STK3: variants seen among roughly 807,000 people sequenced by gnomAD.
STK3 encodes the protein serine/threonine kinase 3, also known as serine/threonine-protein kinase 3.
A neutral mutation model predicts 58.0 loss-of-function variants in STK3; 41 were observed. The ratio of observed to expected loss-of-function variants is 0.71; its 90% CI spans 0.55 to 0.92. The LOEUF (loss-of-function observed/expected upper bound fraction) is 0.92. Ranked by LOEUF, STK3 falls within the 40% of genes least tolerant of loss-of-function variation. STK3 has a pLI of 0.00. For synonymous variants in STK3, 170 were observed against 191.0 expected (o/e 0.89, Z 0.91); for missense variants, 479 against 602.7 (o/e 0.79, Z 2.15).
intron 10 of STK3, among the ~76,000 whole-genome samples, chr8:98,515,128 G>C (rs1824829394): frequency 6.6e-6 from 1 of 151,972 alleles, no homozygotes; most frequent in Non-Finnish European, 1.5e-5. Context: ...AATTTCAACA[G>C]TCTTTAATCC....
At chr8:98,611,682 T>A (rs989664591) in intron 6 of STK3, among the ~76,000 whole-genome samples, 97 of 152,200 alleles carry the variant, frequency 6.4e-4, no homozygotes, top group African/African-American at 2.2e-3. Flanking sequence ...ATGCCAGTGG[T>A]TCTTAACACT....
rs367999195 is a variant in STK3, at chr8:98,678,692, A to G, written c.684+27775T>C. On this transcript the variant is annotated intron_variant, in intron 6 of 10. Coordinates refer to ENST00000419617, the MANE Select transcript of STK3 (RefSeq NM_006281.4). Reference sequence around the variant, plus strand: ...AAAACAATGTAATCTCATGATTCCAATTTTGGTTAAAAACCAGTATGTACT... The same window carrying G: ...AAAACAATGTAATCTCATGATTCCAGTTTTGGTTAAAAACCAGTATGTACT... Among the ~76,000 whole-genome samples the G allele has an allele frequency of 2.6e-5, 4 of 152,196 alleles. No homozygotes were observed. In the South Asian group the frequency reaches 6.2e-4, roughly 24 times the overall value.
chr8:98,540,166 C>T (rs571841880), intron 9 of STK3, among the ~76,000 whole-genome samples: 9 of 152,314 alleles, frequency 5.9e-5, no homozygotes, highest in Admixed American at 5.2e-4. Context: ...CAGGTAAGTT[C>T]TAAACACAAT....
intron 1 of STK3, among the ~76,000 whole-genome samples, chr8:98,913,169 T>TG (rs1320115286): frequency 3.3e-5 from 5 of 152,134 alleles, no homozygotes; most frequent in Non-Finnish European, 7.4e-5. Context: ...ACCTGTTGTA[T>TG]TTTGAAAAAC....
intron 1 of STK3, among the ~76,000 whole-genome samples, chr8:98,792,355 T>G (rs1295336930): frequency 6.6e-6 from 1 of 152,200 alleles, no homozygotes; most frequent in African/African-American, 2.4e-5. Context: ...CTAGTGGGAA[T>G]GTAACTAGTA....
At chr8:98,921,503 G>A (rs575214498) in intron 1 of STK3, 2 of 152,560 alleles carry the variant, frequency 1.3e-5, no homozygotes, top group Non-Finnish European at 2.9e-5. Flanking sequence ...AATTAATCCT[G>A]GTGGTCAATA....
At chr8:98,380,214 C>T (rs926500650) in intron 1 of STK3, among the ~76,000 whole-genome samples, 2 of 152,160 alleles carry the variant, frequency 1.3e-5, no homozygotes, top group African/African-American at 4.8e-5. Context: ...GGTGAATACG[C>T]TCTACGTTCC....
chr8:98,749,427 T>C, intron 3 of STK3, 37 bp from the exon 4 acceptor site: 1 of 1,267,448 alleles, frequency 7.9e-7, no homozygotes, highest in South Asian at 1.6e-5. Flanking sequence ...ATTTAGTTAA[T>C]TCCCAAAGAA....
chr8:98,851,828 T>A (rs1291998212), intron 3 of STK3, among the ~76,000 whole-genome samples: 1 of 152,102 alleles, frequency 6.6e-6, no homozygotes, highest in Non-Finnish European at 1.5e-5. Context: ...ACAAAAACAT[T>A]TTTTTAAACA....
chr8:98,350,000 T>A, the STK3 span, among the ~76,000 whole-genome samples: 3 of 152,172 alleles, frequency 2.0e-5, no homozygotes, highest in African/African-American at 2.4e-5. Flanking sequence ...TTATGCAAAT[T>A]TCTGCAGCCA....
At chr8:98,879,771 C>A (rs1340022746), downstream of STK3, 2 of 152,064 alleles carry the variant, frequency 1.3e-5, no homozygotes, top group Non-Finnish European at 2.9e-5. Flanking sequence ...TGAGAAATAT[C>A]TTCAGGGAAG....
At chr8:98,677,950 T>C (rs747321728) in intron 6 of STK3, among the ~76,000 whole-genome samples, 1 of 152,232 alleles carries the variant, frequency 6.6e-6, no homozygotes, top group Non-Finnish European at 1.5e-5. Context: ...GCTTCCCTAC[T>C]GCACATGTAT....
chr8:98,677,568 GAGA>G (rs1158057479), intron 6 of STK3, among the ~76,000 whole-genome samples: 2 of 152,042 alleles, frequency 1.3e-5, no homozygotes, highest in Non-Finnish European at 2.9e-5. Flanking sequence ...AAGAAGGAAG[GAGA>G]AGGAGACGGA....
intron 6 of STK3, among the ~76,000 whole-genome samples, chr8:98,624,375 G>A (rs79233212): frequency 0.014 from 2,057 of 152,236 alleles, 20 homozygotes; most frequent in Non-Finnish European, 0.022. Context: ...TACATAGAGT[G>A]TGCCAATAAT....
At chr8:98,423,982 G>A (rs1818202434) in intron 3 of STK3, among the ~76,000 whole-genome samples, 1 of 152,190 alleles carries the variant, frequency 6.6e-6, no homozygotes, top group South Asian at 2.1e-4. Flanking sequence ...CAGCCCAGAG[G>A]CAGGCCTCAA....
intron 6 of STK3, among the ~76,000 whole-genome samples, chr8:98,695,686 G>A (rs1587326239): frequency 6.6e-6 from 1 of 152,060 alleles, no homozygotes; most frequent in South Asian, 2.1e-4. Flanking sequence ...TGAGGGCTCT[G>A]CTCTGTTCCA....
At chr8:98,474,994 A>G (rs1008814023) in intron 10 of STK3, among the ~76,000 whole-genome samples, 1 of 152,188 alleles carries the variant, frequency 6.6e-6, no homozygotes, top group African/African-American at 2.4e-5. Flanking sequence ...AACAACCACT[A>G]GTGAAGATTG....
intron 10 of STK3, among the ~76,000 whole-genome samples, chr8:98,498,144 T>C (rs1199431750): frequency 6.6e-6 from 1 of 152,160 alleles, no homozygotes; most frequent in Non-Finnish European, 1.5e-5. Context: ...TACCTTTTTT[T>C]TTTTAAAAGC....
the STK3 span, among the ~76,000 whole-genome samples, chr8:98,347,770 G>T: frequency 1.2e-3 from 178 of 152,146 alleles, 1 homozygote; most frequent in Non-Finnish European, 2.0e-3. Context: ...TAAATGTTAA[G>T]ATACAAATAG....
Sources: allele counts gnomAD v4.1 joint callset (sites outside exome capture counted in the v4.1 genomes callset), GRCh38; gene constraint gnomAD v4.1.1; transcripts MANE v1.5; gene names NCBI Gene and HGNC (gene_info 2026-07-23, HGNC 2026-07-21).